Variants in CTNNBL1 observed in about 807,000 individuals in gnomAD.
CTNNBL1 encodes catenin beta like 1.
A neutral mutation model predicts 72.7 loss-of-function variants in CTNNBL1; 31 were observed. The observed-to-expected ratio is 0.43, with a 90% confidence interval of 0.32 to 0.58. The LOEUF (loss-of-function observed/expected upper bound fraction) is 0.58, where lower values mean the gene tolerates loss of function less well. Among genes scored for constraint, CTNNBL1 ranks in the 20% least tolerant of loss-of-function variants. The probability of loss-of-function intolerance (pLI) is 0.08; values close to 1 mark genes in which losing one functional copy is unlikely to be tolerated. For missense variants in CTNNBL1, 534 were observed against 725.1 expected, an observed-to-expected ratio of 0.74 and a Z score of 3.03; for synonymous variants, 240 against 267.3, an observed-to-expected ratio of 0.90 and a Z score of 1.00.
At chr20:37,713,993 G>A (rs959670586) in intron 1 of CTNNBL1, among the ~76,000 whole-genome samples, 1 of 151,932 alleles carries the variant, frequency 6.6e-6, no homozygotes, top group South Asian at 2.1e-4. Flanking sequence ...CAGAGGTTTG[G>A]TAACTTGCCC....
intron 4 of CTNNBL1, 42 bp from the exon 5 acceptor site, chr20:37,757,517 G>A: frequency 7.2e-7 from 1 of 1,385,184 alleles, no homozygotes; most frequent in Non-Finnish European, 1.0e-6. Flanking sequence ...AAAAATACTG[G>A]TACCGTTTCA....
chr20:37,849,383 C>T (rs908068458), intron 13 of CTNNBL1, among the ~76,000 whole-genome samples: 14 of 152,230 alleles, frequency 9.2e-5, no homozygotes, highest in Non-Finnish European at 1.9e-4. Context: ...AGTTTGGCCC[C>T]TGCTGGCTGC....
At chr20:37,702,834 A>G (rs1568742846) in intron 1 of CTNNBL1, among the ~76,000 whole-genome samples, 1 of 152,276 alleles carries the variant, frequency 6.6e-6, no homozygotes, top group South Asian at 2.1e-4. Flanking sequence ...GAGCATCTCA[A>G]CTGTAGTTAA....
At chr20:37,808,496 A>G (rs2071980170) in intron 11 of CTNNBL1, among the ~76,000 whole-genome samples, 1 of 152,200 alleles carries the variant, frequency 6.6e-6, no homozygotes, top group African/African-American at 2.4e-5. Context: ...AAAATATAAC[A>G]AAGACCTAGT....
chr20:37,850,957 C>T (rs1044464517), intron 13 of CTNNBL1, among the ~76,000 whole-genome samples: 12 of 152,268 alleles, frequency 7.9e-5, no homozygotes, highest in South Asian at 4.1e-4. Context: ...AAATGACATC[C>T]GCATGCTTAT....
Position 37,812,955 on chromosome 20 carries a change from G to A in CTNNBL1, c.1213+9907G>A, listed in dbSNP as rs1478761561. Reference sequence around the variant, plus strand: ...CCCCCCCCAGGAATGTGGCCCCCAAGCCAAACCTTTGGTAAAAGTTAGCCA... The same window carrying A: ...CCCCCCCCAGGAATGTGGCCCCCAAACCAAACCTTTGGTAAAAGTTAGCCA... On this transcript the variant is annotated intron_variant, in intron 11 of 15. Transcript: ENST00000361383. Among the ~76,000 whole-genome samples, 10 of 151,846 alleles carry A rather than the reference G, an allele frequency of 6.6e-5. No individual in the cohort carries two copies. In the South Asian group the frequency reaches 1.7e-3, roughly 25 times the overall value.
intron 13 of CTNNBL1, among the ~76,000 whole-genome samples, chr20:37,854,280 A>G (rs541244055): frequency 1.3e-5 from 2 of 152,144 alleles, no homozygotes; most frequent in African/African-American, 2.4e-5. Flanking sequence ...AAGTATGAAA[A>G]TGGAAAAAAT....
intron 1 of CTNNBL1, among the ~76,000 whole-genome samples, chr20:37,730,406 T>G (rs2073119047): frequency 6.6e-6 from 1 of 152,246 alleles, no homozygotes; most frequent in African/African-American, 2.4e-5. Context: ...TTTATGTATT[T>G]GTTTAGTACC....
chr20:37,720,028 A>G (rs1600443010), intron 1 of CTNNBL1, among the ~76,000 whole-genome samples: 1 of 145,954 alleles, frequency 6.9e-6, no homozygotes, highest in Admixed American at 6.8e-5. Flanking sequence ...TTTAAAATTT[A>G]TTTATTTATT....
In CTNNBL1 at chr20:37,720,088, C is replaced by T. The variant is rs552868623; in HGVS notation, c.31-12791C>T. Among the ~76,000 whole-genome samples the T allele has an allele frequency of 1.2e-4, 18 of 151,900 alleles. No individual in the cohort carries two copies. The East Asian group carries it at 1.5e-3, about 13-fold the overall frequency. On this transcript the variant is annotated intron_variant, in intron 1 of 15. Coordinates refer to ENST00000361383, the MANE Select transcript of CTNNBL1 (RefSeq NM_030877.5). Reference sequence around the variant, plus strand: ...TGTTGCCCAGGCTGGAGTGCAGTGGCGCAATCTCGGCTCACTACAAGCTCC... The same window carrying T: ...TGTTGCCCAGGCTGGAGTGCAGTGGTGCAATCTCGGCTCACTACAAGCTCC...
intron 1 of CTNNBL1, among the ~76,000 whole-genome samples, chr20:37,715,230 C>T (rs780150159): frequency 1.1e-4 from 17 of 152,168 alleles, no homozygotes; most frequent in Admixed American, 3.9e-4. Context: ...CATAGACTGA[C>T]GGGCAGCGTT....
intron 15 of CTNNBL1, 40 bp from the exon 16 acceptor site, chr20:37,871,885 T>C (rs757527214): frequency 5.2e-6 from 8 of 1,540,290 alleles, no homozygotes; most frequent in Non-Finnish European, 7.2e-6. Context: ...GTGGATGCCA[T>C]GCCTGGGATC....
At position 37,757,648 on chromosome 20, in the gene CTNNBL1, G is replaced by A. The variant is rs376332701; in HGVS notation, c.556G>A (p.Asp186Asn). 9 of 1,612,314 alleles carry A rather than the reference G, an allele frequency of 5.6e-6. No individual in the cohort carries two copies. The highest frequency in any genetic ancestry group is 2.2e-5 in the South Asian group (2 of 90,940). Residue 186 changes from aspartate to asparagine, a missense_variant, in exon 5 of 16, where the codon GAT (aspartate) becomes AAT (asparagine). Coordinates refer to ENST00000361383, the MANE Select transcript of CTNNBL1 (RefSeq NM_030877.5). ...ESEEGAEVLI[D>N]ALVDGQVVAL... Reference sequence around the variant, plus strand: ...TGAAGAGGGAGCAGAAGTGCTCATCGATGCTCTGGTAAGTTGCACATCCTC... The same window carrying A: ...TGAAGAGGGAGCAGAAGTGCTCATCAATGCTCTGGTAAGTTGCACATCCTC...
intron 11 of CTNNBL1, among the ~76,000 whole-genome samples, chr20:37,814,670 G>A (rs2072039269): frequency 6.6e-6 from 1 of 152,090 alleles, no homozygotes; most frequent in Non-Finnish European, 1.5e-5. Context: ...CAATTCTGAG[G>A]ACTGGGGCTC....
intron 1 of CTNNBL1, among the ~76,000 whole-genome samples, chr20:37,725,300 A>AT (rs879340102): frequency 0.046 from 6,644 of 145,632 alleles, 179 homozygotes; most frequent in Non-Finnish European, 0.068. Flanking sequence ...AGCCTCTTTG[A>AT]TTTTTTTTTT....
chr20:37,737,350 A>G, intron 2 of CTNNBL1, 28 bp from the exon 3 acceptor site: 6 of 1,525,938 alleles, frequency 3.9e-6, no homozygotes, highest in Non-Finnish European at 5.4e-6. Flanking sequence ...TGTGGACTGA[A>G]GTTTTTGCAT....
chr20:37,859,271 C>T (rs145221381), intron 13 of CTNNBL1, among the ~76,000 whole-genome samples: 3 of 151,446 alleles, frequency 2.0e-5, no homozygotes, highest in Non-Finnish European at 4.4e-5. Flanking sequence ...GCAGGAGAAT[C>T]GCATGAACCA....
intron 4 of CTNNBL1, among the ~76,000 whole-genome samples, chr20:37,746,851 T>G (rs138971424): frequency 6.6e-6 from 1 of 152,404 alleles, no homozygotes; most frequent in East Asian, 1.9e-4. Flanking sequence ...TTATTAGTAC[T>G]AGAATTCATC....
intron 4 of CTNNBL1, among the ~76,000 whole-genome samples, chr20:37,748,192 C>T (rs968153652): frequency 2.6e-5 from 4 of 152,146 alleles, no homozygotes; most frequent in African/African-American, 9.7e-5. Context: ...AATCTCTCTC[C>T]TGAGAGCGTG....
Sources: allele counts gnomAD v4.1 joint callset (sites outside exome capture counted in the v4.1 genomes callset), GRCh38; gene constraint gnomAD v4.1.1; transcripts MANE v1.5; gene names NCBI Gene and HGNC (gene_info 2026-07-23, HGNC 2026-07-21).